NR2F1-AS1: variants seen among roughly 807,000 people sequenced by gnomAD.
NR2F1-AS1 encodes the protein NR2F1 regulatory antisense RNA 1.
At chr5:93,553,866 G>A (rs1463667202) in intron 3 of NR2F1-AS1, 1 of 152,162 alleles carries the variant, frequency 6.6e-6, no homozygotes, top group Non-Finnish European at 1.5e-5. Context: ...GCTTACATCT[G>A]TAAGATGATT....
chr5:93,584,147 C>G (rs1753179312), upstream of NR2F1-AS1: 1 of 149,724 alleles, frequency 6.7e-6, no homozygotes, highest in Non-Finnish European at 1.5e-5. Context: ...CCGGCGAGGG[C>G]TCCCGCCGGG....
At chr5:93,581,712 CTCTCTCTCTCT>C (rs1753047216), upstream of NR2F1-AS1, among the ~76,000 whole-genome samples, 1 of 69,330 alleles carries the variant, frequency 1.4e-5, no homozygotes, top group Non-Finnish European at 2.8e-5. Flanking sequence ...CTCTCTCTCT[CTCTCTCTCTCT>C]CTCTCTCTCT....
At chr5:93,446,443 C>G (rs1407447491) in intron 4 of NR2F1-AS1, among the ~76,000 whole-genome samples, 1 of 152,172 alleles carries the variant, frequency 6.6e-6, no homozygotes, top group African/African-American at 2.4e-5. Context: ...AGTGAACTCC[C>G]ATTCGCAATT....
intron 4 of NR2F1-AS1, among the ~76,000 whole-genome samples, chr5:93,528,458 A>G (rs1018450194): frequency 2.6e-5 from 4 of 152,252 alleles, no homozygotes; most frequent in Non-Finnish European, 4.4e-5. Flanking sequence ...GGTAGAGTAT[A>G]AATTAGTTCA....
At chr5:93,457,767 T>C (rs1416729573) in intron 4 of NR2F1-AS1, among the ~76,000 whole-genome samples, 3 of 152,086 alleles carry the variant, frequency 2.0e-5, no homozygotes, top group African/African-American at 7.2e-5. Flanking sequence ...TAGCTAACTC[T>C]GTCAGCTTCT....
At chr5:93,505,146 T>C in intron 4 of NR2F1-AS1, among the ~76,000 whole-genome samples, 1 of 152,126 alleles carries the variant, frequency 6.6e-6, no homozygotes, top group East Asian at 1.9e-4. Context: ...ACAGGGCCCA[T>C]GCAAGTCCAA....
chr5:93,425,908 C>T (rs75631464), intron 4 of NR2F1-AS1, among the ~76,000 whole-genome samples: 1,524 of 152,126 alleles, frequency 0.01, 28 homozygotes, highest in African/African-American at 0.035. Context: ...ATTCAATAAA[C>T]GTTCAATAAA....
chr5:93,521,446 T>C (rs1266554684), intron 4 of NR2F1-AS1, among the ~76,000 whole-genome samples: 1 of 151,942 alleles, frequency 6.6e-6, no homozygotes, highest in Non-Finnish European at 1.5e-5. Flanking sequence ...TGGGAGAAAA[T>C]ATTTGCAAAC....
At chr5:93,507,779 A>C (rs141120332) in intron 4 of NR2F1-AS1, among the ~76,000 whole-genome samples, 227 of 152,336 alleles carry the variant, frequency 1.5e-3, no homozygotes, top group African/African-American at 5.1e-3. Context: ...CAATTCAACA[A>C]GGTTACTGGG....
intron 1 of NR2F1-AS1, among the ~76,000 whole-genome samples, chr5:93,569,719 T>C (rs1012707515): frequency 3.3e-5 from 5 of 152,254 alleles, no homozygotes; most frequent in African/African-American, 1.2e-4. Context: ...ACCTCTAAGA[T>C]GACATCTTTG....
In NR2F1-AS1 at chr5:93,569,685, C is replaced by G. The variant is rs1174074415; in HGVS notation, n.314-6222G>C. 2.6e-5 allele frequency among the ~76,000 whole-genome samples: 4 copies of G among 152,218 alleles called. No individual in the cohort carries two copies. The East Asian group carries it at 7.7e-4, about 29-fold the overall frequency. The stretch of plus-strand genomic sequence containing the variant: ...CACTATAAAAGTTTCCACAGTGTAA[C>G]CAAATGACTTCACCTATGTTATTAC... On this transcript the variant is annotated intron_variant and non_coding_transcript_variant, in intron 1 of 5. Coordinates refer to ENST00000660523, the Ensembl canonical transcript of NR2F1-AS1.
intron 1 of NR2F1-AS1, among the ~76,000 whole-genome samples, chr5:93,566,404 G>T (rs1561507682): frequency 6.6e-6 from 1 of 151,960 alleles, no homozygotes; most frequent in Admixed American, 6.6e-5. Flanking sequence ...TGCATAAAAA[G>T]TATAACTTGA....
chr5:93,524,396 G>C (rs572610778), intron 4 of NR2F1-AS1, among the ~76,000 whole-genome samples: 2 of 152,182 alleles, frequency 1.3e-5, no homozygotes, highest in Non-Finnish European at 2.9e-5. Flanking sequence ...GTATCTGAAA[G>C]TGATGAGCAG....
At chr5:93,491,079 T>C (rs1346271148) in intron 4 of NR2F1-AS1, among the ~76,000 whole-genome samples, 4 of 144,902 alleles carry the variant, frequency 2.8e-5, no homozygotes, top group Admixed American at 2.7e-4. Context: ...CTGGTAATAG[T>C]GGTGTTGATG....
chr5:93,481,808 A>T (rs1340481375), intron 4 of NR2F1-AS1, among the ~76,000 whole-genome samples: 1 of 152,158 alleles, frequency 6.6e-6, no homozygotes, highest in Non-Finnish European at 1.5e-5. Context: ...CTTTAAAAAA[A>T]ATAGGTTAAG....
chr5:93,583,217 C>T (rs1031420666), upstream of NR2F1-AS1: 2 of 152,184 alleles, frequency 1.3e-5, no homozygotes, highest in Non-Finnish European at 2.9e-5. Context: ...GCAGATCCCC[C>T]TTTCGGAAAC....
chr5:93,492,857 AAC>A (rs1015115049), intron 4 of NR2F1-AS1, among the ~76,000 whole-genome samples: 1 of 151,960 alleles, frequency 6.6e-6, no homozygotes, highest in African/African-American at 2.4e-5. Context: ...AAAAAAAAAA[AAC>A]ACTCACAAAC....
chr5:93,461,813 T>C (rs1198692843), intron 4 of NR2F1-AS1, among the ~76,000 whole-genome samples: 1 of 152,220 alleles, frequency 6.6e-6, no homozygotes, highest in Non-Finnish European at 1.5e-5. Context: ...TAGGCTCTTC[T>C]GATGACATCT....
At chr5:93,523,544 C>T (rs1751549212) in intron 4 of NR2F1-AS1, among the ~76,000 whole-genome samples, 1 of 152,190 alleles carries the variant, frequency 6.6e-6, no homozygotes, top group Non-Finnish European at 1.5e-5. Context: ...AACCCCATGC[C>T]TCCTGACTGG....
Sources: gnomAD v4.1 joint callset for allele counts (sites outside exome capture counted in the v4.1 genomes callset) on GRCh38, gnomAD v4.1.1 for gene constraint, MANE v1.5 for transcripts, NCBI Gene and HGNC (gene_info 2026-07-23, HGNC 2026-07-21) for gene names.